Variants in ZFPM2 observed in about 807,000 individuals in gnomAD.
ZFPM2 encodes zinc finger protein ZFPM2.
ZFPM2 carries 20 observed loss-of-function variants against 98.6 expected under a neutral mutation model. The ratio of observed to expected loss-of-function variants is 0.20; its 90% confidence interval spans 0.14 to 0.29. The LOEUF (loss-of-function observed/expected upper bound fraction) is 0.29. Among genes scored for constraint, ZFPM2 ranks in the 10% least tolerant of loss-of-function variants. The pLI, the probability that ZFPM2 is intolerant of heterozygous loss-of-function variation, is 1.00. For missense variants in ZFPM2, 1,310 were observed against 1,388.6 expected (o/e 0.94, Z 0.90); for synonymous variants, 518 against 502.7 (o/e 1.03, Z -0.41).
intron 5 of ZFPM2, among the ~76,000 whole-genome samples, chr8:105,743,499 G>A (rs1281463085): frequency 6.6e-6 from 1 of 152,032 alleles, no homozygotes; most frequent in African/African-American, 2.4e-5. Context: ...GGTATATGCA[G>A]GGGTGCAGGG....
At chr8:105,382,151 C>T (rs1312793814) in intron 1 of ZFPM2, among the ~76,000 whole-genome samples, 1 of 152,048 alleles carries the variant, frequency 6.6e-6, no homozygotes, top group Non-Finnish European at 1.5e-5. Context: ...CTTAATGAGT[C>T]ATCTGTTATT....
At chr8:105,541,811 A>T (rs1814580725) in intron 3 of ZFPM2, among the ~76,000 whole-genome samples, 1 of 152,180 alleles carries the variant, frequency 6.6e-6, no homozygotes, top group Non-Finnish European at 1.5e-5. Context: ...TATTGTAATG[A>T]CTTTATCTGC....
chr8:105,547,257 T>G (rs1814727623), intron 3 of ZFPM2, among the ~76,000 whole-genome samples: 1 of 151,910 alleles, frequency 6.6e-6, no homozygotes, highest in Non-Finnish European at 1.5e-5. Context: ...ATAAATAAAT[T>G]AGAGGCCAGG....
At chr8:105,448,207 T>C (rs2130240040) in intron 3 of ZFPM2, among the ~76,000 whole-genome samples, 1 of 152,028 alleles carries the variant, frequency 6.6e-6, no homozygotes, top group East Asian at 1.9e-4. Flanking sequence ...CTTTCTTCCT[T>C]ATAAAATTTT....
chr8:105,769,036 T>C (rs1234093750), intron 5 of ZFPM2, among the ~76,000 whole-genome samples: 1 of 151,988 alleles, frequency 6.6e-6, no homozygotes, highest in Non-Finnish European at 1.5e-5. Context: ...TCCTGTCTTA[T>C]TTCAAAAGCT....
chr8:105,435,575 C>A (rs753756958), intron 2 of ZFPM2, among the ~76,000 whole-genome samples: 14 of 152,028 alleles, frequency 9.2e-5, no homozygotes, highest in Admixed American at 9.2e-4. Context: ...ACAAACTTGT[C>A]GTTATTATCT....
rs78050453 is a variant in ZFPM2, at chr8:105,729,310, A to G, written c.533-59408A>G. Among the ~76,000 whole-genome samples the G allele has an allele frequency of 9.9e-3, 1,500 of 151,722 alleles. 32 individuals carry two copies. The highest frequency in any genetic ancestry group is 0.034 in the African/African-American group (1,406 of 41,478). On this transcript the variant is annotated intron_variant, in intron 5 of 7. Transcript: ENST00000407775. ...CAACACCTATATAAGGCTCATTACA[A>G]TGAGCCTTAATTAAAGCACTCAGGT...
chr8:105,601,841 T>A (rs1816098493), intron 4 of ZFPM2, among the ~76,000 whole-genome samples: 1 of 152,060 alleles, frequency 6.6e-6, no homozygotes, highest in East Asian at 1.9e-4. Flanking sequence ...GGAAACACAG[T>A]TGAATCAGCT....
At chr8:105,710,711 G>GT (rs1319126936) in intron 5 of ZFPM2, among the ~76,000 whole-genome samples, 1 of 149,100 alleles carries the variant, frequency 6.7e-6, no homozygotes, top group Non-Finnish European at 1.5e-5. Flanking sequence ...GTATGTGTGT[G>GT]TGGGGGGGTG....
chr8:105,655,223 C>CTTTT (rs34262627), intron 5 of ZFPM2, among the ~76,000 whole-genome samples: 76 of 76,106 alleles, frequency 1.0e-3, no homozygotes, highest in Non-Finnish European at 1.2e-3. Context: ...TGCATTGAGT[C>CTTTT]TTTTTTTTTT....
chr8:105,503,813 T>C (rs918641546), intron 3 of ZFPM2, among the ~76,000 whole-genome samples: 3 of 152,202 alleles, frequency 2.0e-5, no homozygotes, highest in Non-Finnish European at 4.4e-5. Flanking sequence ...AAAAGTGTTT[T>C]TATTATAACT....
intron 1 of ZFPM2, among the ~76,000 whole-genome samples, chr8:105,394,667 C>A (rs2129953372): frequency 6.6e-6 from 1 of 152,290 alleles, no homozygotes; most frequent in South Asian, 2.1e-4. Context: ...GCATGAGCGG[C>A]TTCGAGTGTG....
chr8:105,750,389 T>A (rs553107443), intron 5 of ZFPM2, among the ~76,000 whole-genome samples: 8 of 152,230 alleles, frequency 5.3e-5, no homozygotes, highest in Non-Finnish European at 1.0e-4. Context: ...AATTATTTTT[T>A]AAAAAATCCT....
chr8:105,447,782 C>T (rs936048089), intron 3 of ZFPM2, among the ~76,000 whole-genome samples: 3 of 151,962 alleles, frequency 2.0e-5, no homozygotes, highest in Non-Finnish European at 2.9e-5. Context: ...GTTTGATTGA[C>T]GACGACTCCA....
At chr8:105,600,802 C>G (rs1283379098) in intron 4 of ZFPM2, among the ~76,000 whole-genome samples, 1 of 151,970 alleles carries the variant, frequency 6.6e-6, no homozygotes, top group East Asian at 1.9e-4. Context: ...CAAGTAAGAA[C>G]TCAAGGATAG....
intron 5 of ZFPM2, among the ~76,000 whole-genome samples, chr8:105,699,951 G>C (rs550540774): frequency 2.0e-5 from 3 of 152,030 alleles, no homozygotes; most frequent in African/African-American, 4.8e-5. Flanking sequence ...AATTATTATT[G>C]AAAAATGAAA....
At chr8:105,668,898 T>C (rs1396392946) in intron 5 of ZFPM2, among the ~76,000 whole-genome samples, 1 of 152,206 alleles carries the variant, frequency 6.6e-6, no homozygotes, top group South Asian at 2.1e-4. Flanking sequence ...TTAGAAGGTT[T>C]TTAAAATTTT....
At chr8:105,520,692 G>A (rs1390093017) in intron 3 of ZFPM2, among the ~76,000 whole-genome samples, 1 of 152,006 alleles carries the variant, frequency 6.6e-6, no homozygotes, top group African/African-American at 2.4e-5. Context: ...GTACTGGGGT[G>A]GAGATTATTT....
intron 5 of ZFPM2, among the ~76,000 whole-genome samples, chr8:105,786,548 C>T (rs1813421508): frequency 6.6e-6 from 1 of 151,940 alleles, no homozygotes; most frequent in Admixed American, 6.6e-5. Flanking sequence ...GAATGATACG[C>T]TCTGACTAAA....
Sources: gnomAD v4.1 joint callset for allele counts (sites outside exome capture counted in the v4.1 genomes callset) on GRCh38, gnomAD v4.1.1 for gene constraint, MANE v1.5 for transcripts, NCBI Gene and HGNC (gene_info 2026-07-23, HGNC 2026-07-21) for gene names.